KCNN2: variants seen among roughly 807,000 people sequenced by gnomAD.
The protein encoded by KCNN2 is small conductance calcium-activated potassium channel protein 2.
A neutral mutation model predicts 55.5 loss-of-function variants in KCNN2; 24 were observed. That is an observed-to-expected ratio of 0.43 (90% confidence interval 0.31 to 0.61). The LOEUF (loss-of-function observed/expected upper bound fraction) is 0.61, where lower values mean the gene tolerates loss of function less well. KCNN2 is among the 20% of genes least tolerant of loss of function. KCNN2 has a pLI of 0.08. For synonymous variants in KCNN2, 431 were observed against 336.1 expected, an observed-to-expected ratio of 1.28 and a Z score of -3.09; for missense variants, 754 against 853.6, an observed-to-expected ratio of 0.88 and a Z score of 1.45.
At chr5:114,285,305 AAG>A (rs1561555115) in intron 2 of KCNN2, among the ~76,000 whole-genome samples, 1 of 150,386 alleles carries the variant, frequency 6.6e-6, no homozygotes. Flanking sequence ...AAAAAAAAAA[AAG>A]AGAGACAGTT....
chr5:114,188,701 A>G (rs1338416029), intron 1 of KCNN2, among the ~76,000 whole-genome samples: 3 of 150,038 alleles, frequency 2.0e-5, no homozygotes, highest in East Asian at 3.9e-4. Context: ...GTAAGATAAA[A>G]TCTTTTTCAT....
chr5:114,367,606 C>G (rs1310174290), intron 2 of KCNN2, among the ~76,000 whole-genome samples: 1 of 151,592 alleles, frequency 6.6e-6, no homozygotes, highest in African/African-American at 2.4e-5. Flanking sequence ...CCTCAAGTCT[C>G]AAGGTCAAAT....
chr5:114,166,052 T>C (rs1752903800), intron 1 of KCNN2, among the ~76,000 whole-genome samples: 1 of 146,752 alleles, frequency 6.8e-6, no homozygotes, highest in South Asian at 2.1e-4. Flanking sequence ...GAAACAATTC[T>C]TTTTTTTATT....
At chr5:114,069,191 T>C (rs1198664322) in intron 1 of KCNN2, among the ~76,000 whole-genome samples, 1 of 152,172 alleles carries the variant, frequency 6.6e-6, no homozygotes, top group Non-Finnish European at 1.5e-5. Context: ...GGTGATGGCC[T>C]GAGAAGACTG....
intron 2 of KCNN2, among the ~76,000 whole-genome samples, chr5:114,335,688 G>A (rs577818403): frequency 1.8e-4 from 27 of 152,182 alleles, no homozygotes; most frequent in Non-Finnish European, 3.8e-4. Flanking sequence ...CTGTTAGAAT[G>A]AATGCATGTG....
intron 2 of KCNN2, among the ~76,000 whole-genome samples, chr5:114,252,911 C>T (rs1051896447): frequency 6.6e-6 from 1 of 152,086 alleles, no homozygotes; most frequent in Non-Finnish European, 1.5e-5. Context: ...ATTTCCCTGA[C>T]CCTCCCCACC....
At chr5:114,170,599 C>T (rs929614528) in intron 1 of KCNN2, among the ~76,000 whole-genome samples, 2 of 151,922 alleles carry the variant, frequency 1.3e-5, no homozygotes, top group African/African-American at 2.4e-5. Flanking sequence ...AACACATTTT[C>T]CTAGGAGGAT....
At chr5:114,364,606 C>T (rs1757547038) in intron 2 of KCNN2, among the ~76,000 whole-genome samples, 2 of 149,140 alleles carry the variant, frequency 1.3e-5, no homozygotes, top group East Asian at 1.9e-4. Flanking sequence ...GGCCACTGTC[C>T]TTGTGAGTTC....
intron 1 of KCNN2, among the ~76,000 whole-genome samples, chr5:114,085,981 AGT>A (rs1270618857): frequency 6.6e-6 from 1 of 152,142 alleles, no homozygotes; most frequent in Admixed American, 6.6e-5. Context: ...ATAAAATATC[AGT>A]CTTTATCCCT....
intron 1 of KCNN2, among the ~76,000 whole-genome samples, chr5:114,160,208 T>C (rs1752739312): frequency 1.3e-5 from 2 of 152,120 alleles, no homozygotes; most frequent in South Asian, 4.1e-4. Flanking sequence ...GTTGTGTCTT[T>C]GTTCTCATTG....
chr5:114,195,244 A>G (rs1245470534), intron 1 of KCNN2, among the ~76,000 whole-genome samples: 2 of 151,802 alleles, frequency 1.3e-5, no homozygotes, highest in African/African-American at 4.8e-5. Context: ...TAGAATTTTA[A>G]TAGAGATTGA....
At chr5:114,283,564 C>G (rs767529214) in intron 2 of KCNN2, among the ~76,000 whole-genome samples, 1 of 152,062 alleles carries the variant, frequency 6.6e-6, no homozygotes, top group Non-Finnish European at 1.5e-5. Context: ...CTGATTTTGA[C>G]TATTGTCATC....
chr5:114,096,272 T>C (rs1232254986), intron 1 of KCNN2, among the ~76,000 whole-genome samples: 1 of 152,172 alleles, frequency 6.6e-6, no homozygotes, highest in Non-Finnish European at 1.5e-5. Flanking sequence ...GCTTAACACA[T>C]AATATCAAGA....
At chr5:114,150,966 A>G (rs1261906516) in intron 1 of KCNN2, among the ~76,000 whole-genome samples, 15 of 152,290 alleles carry the variant, frequency 9.8e-5, no homozygotes, top group African/African-American at 3.6e-4. Context: ...GGTTGCGGTG[A>G]GCTGAGATGG....
chr5:114,337,533 G>T (rs1276122604), intron 2 of KCNN2, among the ~76,000 whole-genome samples: 1 of 152,152 alleles, frequency 6.6e-6, no homozygotes, highest in African/African-American at 2.4e-5. Context: ...ATCAGGAAAG[G>T]TTTCTCATCT....
intron 3 of KCNN2, among the ~76,000 whole-genome samples, chr5:114,435,650 A>C (rs1427923604): frequency 3.9e-5 from 6 of 152,108 alleles, no homozygotes; most frequent in African/African-American, 1.4e-4. Context: ...GATAGTATTT[A>C]GATCATTATA....
intron 4 of KCNN2, among the ~76,000 whole-genome samples, chr5:114,468,066 C>G (rs1015733241): frequency 6.6e-6 from 1 of 152,170 alleles, no homozygotes; most frequent in African/African-American, 2.4e-5. Context: ...CACACACTCT[C>G]CCCTCTTTTC....
In KCNN2 at chr5:114,147,536, A is replaced by G. The variant is rs1192734143; in HGVS notation, c.-270-73944A>G. Among the ~76,000 whole-genome samples the G allele has an allele frequency of 1.3e-5, 2 of 152,166 alleles. 1 individual carries two copies. Among genetic ancestry groups the G allele is most frequent in the East Asian group, 3.9e-4 (2 of 5,192 alleles). On this transcript the variant is annotated intron_variant, in intron 1 of 10. Transcript: ENST00000512097. ...TATAAGTCCTGCAGGACAGTGGATG[A>G]AAGGAAAAACTAAATTTGTAAAGGC...
Position 114,486,917 on chromosome 5 carries a change from G to A in KCNN2, c.1891-133G>A, listed in dbSNP as rs541462950. Reference sequence around the variant, plus strand: ...AAAAGGCATAGATTAAAGAAAAATGGTATTTGGAGTCATGGTTACTAAATG... The same window carrying A: ...AAAAGGCATAGATTAAAGAAAAATGATATTTGGAGTCATGGTTACTAAATG... On this transcript the variant is annotated intron_variant, in intron 5 of 7. Transcript: ENST00000673685. 2.0e-4 allele frequency: 239 copies of A among 1,214,688 alleles called. 1 individual carries two copies. The highest frequency in any genetic ancestry group is 1.8e-3 in the African/African-American group (119 of 64,790). 75.2% of individuals were successfully genotyped at this position (1,214,688 alleles called of 1,614,324 possible).
Sources: gnomAD v4.1 joint callset for allele counts (sites outside exome capture counted in the v4.1 genomes callset) on GRCh38, gnomAD v4.1.1 for gene constraint, MANE v1.5 for transcripts, NCBI Gene and HGNC (gene_info 2026-07-23, HGNC 2026-07-21) for gene names.